The following DYNC1I1 variants were observed in gnomAD, a reference collection of about 807,000 sequenced individuals.
The protein encoded by DYNC1I1 is dynein cytoplasmic 1 intermediate chain 1, also known as cytoplasmic dynein 1 intermediate chain 1.
Under a neutral mutation model 86.6 loss-of-function variants are expected in DYNC1I1, and 43 were observed. The observed-to-expected ratio is 0.50, with a 90% CI of 0.39 to 0.64. The LOEUF is 0.64. Among genes scored for constraint, DYNC1I1 ranks in the 30% least tolerant of loss-of-function variants. The pLI, the probability that DYNC1I1 is intolerant of heterozygous loss-of-function variation, is 0.00. For missense variants in DYNC1I1, 604 were observed against 788.8 expected (o/e 0.77, Z 2.81); for synonymous variants, 262 against 283.7 (o/e 0.92, Z 0.77).
Position 96,032,839 on chromosome 7 carries a change from T to C in DYNC1I1, c.1230+59T>C, listed in dbSNP as rs1584265124. The C allele has an allele frequency of 9.1e-6, 13 of 1,423,630 alleles. No homozygotes were observed. In the East Asian group the frequency reaches 3.0e-4, roughly 33 times the overall value. The allele number at this position is 1,423,630 out of a possible 1,614,324, so 88.2% of individuals were successfully genotyped here. ...CTGGTTAAAAGAGATACCTACTTAATGGAACATAGTTCCTAAAAGCCAAAC... is the reference window on the plus strand; with the variant it reads ...CTGGTTAAAAGAGATACCTACTTAACGGAACATAGTTCCTAAAAGCCAAAC... On this transcript the variant is annotated intron_variant, in intron 12 of 16. Coordinates refer to ENST00000447467, the MANE Select transcript of DYNC1I1 (RefSeq NM_001135556.2).
chr7:96,068,380 CAT>C (rs1340797705), intron 14 of DYNC1I1, among the ~76,000 whole-genome samples: 2 of 152,162 alleles, frequency 1.3e-5, no homozygotes, highest in Non-Finnish European at 2.9e-5. Flanking sequence ...TATCTGTACT[CAT>C]ATTAAATATA....
At chr7:95,794,365 T>G (rs1794382971) in intron 1 of DYNC1I1, among the ~76,000 whole-genome samples, 1 of 152,196 alleles carries the variant, frequency 6.6e-6, no homozygotes, top group African/African-American at 2.4e-5. Flanking sequence ...ATCATCTGAG[T>G]GTTTCTTGAA....
intron 6 of DYNC1I1, among the ~76,000 whole-genome samples, chr7:95,973,057 A>G (rs954483825): frequency 3.9e-5 from 6 of 152,236 alleles, no homozygotes; most frequent in African/African-American, 1.4e-4. Flanking sequence ...GAAGCCATAC[A>G]TGGGTGGTAA....
chr7:96,094,039 TG>T (rs1418390439), intron 16 of DYNC1I1, among the ~76,000 whole-genome samples: 1 of 152,192 alleles, frequency 6.6e-6, no homozygotes, highest in African/African-American at 2.4e-5. Context: ...CAGTTGTCAC[TG>T]AAGGAAGGTA....
At chr7:95,797,981 A>C (rs1794484895) in intron 1 of DYNC1I1, among the ~76,000 whole-genome samples, 1 of 152,106 alleles carries the variant, frequency 6.6e-6, no homozygotes, top group African/African-American at 2.4e-5. Context: ...TGTTTTTTTC[A>C]CAAAATGTTA....
chr7:95,908,028 C>G (rs1369044944), intron 6 of DYNC1I1, among the ~76,000 whole-genome samples: 1 of 151,982 alleles, frequency 6.6e-6, no homozygotes, highest in Non-Finnish European at 1.5e-5. Flanking sequence ...CTTTTTATAA[C>G]ATATTTTAAC....
intron 4 of DYNC1I1, among the ~76,000 whole-genome samples, chr7:95,825,825 G>A (rs978926134): frequency 6.6e-6 from 1 of 152,142 alleles, no homozygotes; most frequent in Non-Finnish European, 1.5e-5. Flanking sequence ...CAATAGTCTA[G>A]CTCTGTCATT....
intron 1 of DYNC1I1, among the ~76,000 whole-genome samples, chr7:95,788,210 A>G (rs1220804484): frequency 1.3e-5 from 2 of 152,176 alleles, no homozygotes; most frequent in African/African-American, 4.8e-5. Flanking sequence ...GAGGCCAAAG[A>G]TAGAAATGAG....
chr7:95,795,216 T>G (rs1384593028), intron 1 of DYNC1I1, among the ~76,000 whole-genome samples: 2 of 152,014 alleles, frequency 1.3e-5, no homozygotes, highest in Non-Finnish European at 2.9e-5. Context: ...TGGATTTAAA[T>G]TAGTAAAATC....
intron 7 of DYNC1I1, among the ~76,000 whole-genome samples, chr7:95,978,603 C>T (rs1032835140): frequency 1.3e-5 from 2 of 152,150 alleles, no homozygotes; most frequent in Admixed American, 1.3e-4. Flanking sequence ...TGATTAGAAG[C>T]TCATTTGATC....
intron 5 of DYNC1I1, among the ~76,000 whole-genome samples, chr7:95,832,842 T>G (rs1337056607): frequency 1.3e-5 from 2 of 152,244 alleles, no homozygotes; most frequent in East Asian, 3.9e-4. Flanking sequence ...TACATTTGTT[T>G]GAGTTTATCG....
chr7:95,812,199 A>G (rs1215364471), intron 3 of DYNC1I1, among the ~76,000 whole-genome samples: 1 of 152,162 alleles, frequency 6.6e-6, no homozygotes, highest in Non-Finnish European at 1.5e-5. Context: ...CCTTTACCCT[A>G]TTAAGTAAAT....
chr7:95,903,728 A>G (rs1791100270), intron 6 of DYNC1I1, among the ~76,000 whole-genome samples: 2 of 152,184 alleles, frequency 1.3e-5, no homozygotes, highest in Admixed American at 6.5e-5. Flanking sequence ...CTCTGTGGGG[A>G]AAGTTCAATC....
At chr7:95,936,956 T>TCTCTCACACACACA (rs750834189) in intron 6 of DYNC1I1, among the ~76,000 whole-genome samples, 75 of 134,286 alleles carry the variant, frequency 5.6e-4, no homozygotes, top group African/African-American at 1.3e-3. Flanking sequence ...AGAATATGTC[T>TCTCTCACACACACA]CACACACACA....
At chr7:96,047,850 C>T (rs1468904428) in intron 14 of DYNC1I1, among the ~76,000 whole-genome samples, 3 of 151,918 alleles carry the variant, frequency 2.0e-5, no homozygotes, top group African/African-American at 4.8e-5. Context: ...TAACAAAAAG[C>T]GACTTGAACT....
chr7:95,823,164 G>A (rs1218798501), intron 4 of DYNC1I1, among the ~76,000 whole-genome samples: 1 of 152,072 alleles, frequency 6.6e-6, no homozygotes, highest in African/African-American at 2.4e-5. Context: ...AGACCTAGTG[G>A]ACTACCTCAG....
At chr7:95,935,996 C>G (rs1337009828) in intron 6 of DYNC1I1, among the ~76,000 whole-genome samples, 1 of 151,838 alleles carries the variant, frequency 6.6e-6, no homozygotes, top group African/African-American at 2.4e-5. Context: ...TTGGTCTTAG[C>G]TGAAGTATAC....
At position 95,829,928 on chromosome 7, in the gene DYNC1I1, A is replaced by G. The variant is rs76413571; in HGVS notation, c.374+1812A>G. Reference sequence around the variant, plus strand: ...CATCTCTGAGGTTCTATCAATTTCAATGCCCACTGTAGGTATAAAAGGAGG... The same window carrying G: ...CATCTCTGAGGTTCTATCAATTTCAGTGCCCACTGTAGGTATAAAAGGAGG... On this transcript the variant is annotated intron_variant, in intron 5 of 16. Coordinates refer to ENST00000447467, the MANE Select transcript of DYNC1I1 (RefSeq NM_001135556.2). Among the ~76,000 whole-genome samples, 1,448 of 152,162 alleles carry G rather than the reference A, an allele frequency of 9.5e-3. 18 individuals are homozygous for G. Among genetic ancestry groups the G allele is most frequent in the African/African-American group, 0.033 (1,351 of 41,506 alleles).
chr7:96,060,983 C>T (rs930090021), intron 14 of DYNC1I1, among the ~76,000 whole-genome samples: 7 of 152,104 alleles, frequency 4.6e-5, no homozygotes, highest in African/African-American at 1.7e-4. Flanking sequence ...AGACATCTCC[C>T]TGTGTTCTGT....
Sources: allele counts gnomAD v4.1 joint callset (sites outside exome capture counted in the v4.1 genomes callset), GRCh38; gene constraint gnomAD v4.1.1; transcripts MANE v1.5; gene names NCBI Gene and HGNC (gene_info 2026-07-23, HGNC 2026-07-21).